Variants in CTNNA3 observed in about 807,000 individuals in gnomAD.
CTNNA3 encodes catenin alpha 3.
Under a neutral mutation model 95.7 loss-of-function variants are expected in CTNNA3, and 76 were observed. That is an observed-to-expected ratio of 0.79 (90% CI 0.66 to 0.96). CTNNA3 has a LOEUF of 0.96. CTNNA3 is among the 40% of genes least tolerant of loss of function. The pLI, the probability that CTNNA3 is intolerant of heterozygous loss-of-function variation, is 0.00. For synonymous variants in CTNNA3, 431 were observed against 374.4 expected, an observed-to-expected ratio of 1.15 and a Z score of -1.74; for missense variants, 1,191 against 1,089.8, an observed-to-expected ratio of 1.09 and a Z score of -1.31.
intron 13 of CTNNA3, among the ~76,000 whole-genome samples, chr10:66,211,265 GCA>G (rs1337096410): frequency 6.6e-6 from 1 of 152,126 alleles, no homozygotes; most frequent in Admixed American, 6.5e-5. Context: ...ACTTCAAGCA[GCA>G]CATAAAAACT....
At position 67,298,322 on chromosome 10, in the gene CTNNA3, G is replaced by T. The variant is rs538458428; in HGVS notation, c.580-78452C>A. Among the ~76,000 whole-genome samples the T allele has an allele frequency of 1.5e-3, 228 of 152,306 alleles. 10 individuals are homozygous for T. In the South Asian group the frequency reaches 0.046, roughly 31 times the overall value. ...ATATGTATTGCATTCAAAATCCGAAGTGTCTCACCAAGCATTGTGCTTGAT... is the reference window on the plus strand; with the variant it reads ...ATATGTATTGCATTCAAAATCCGAATTGTCTCACCAAGCATTGTGCTTGAT... On this transcript the variant is annotated intron_variant, in intron 5 of 17. Coordinates refer to ENST00000433211, the MANE Select transcript of CTNNA3 (RefSeq NM_013266.4).
At chr10:67,068,422 T>C (rs1379593352) in intron 7 of CTNNA3, among the ~76,000 whole-genome samples, 2 of 152,188 alleles carry the variant, frequency 1.3e-5, no homozygotes, top group African/African-American at 4.8e-5. Context: ...GTCTGTTAAG[T>C]AGTTGAATAC....
chr10:67,528,650 CATA>C (rs1840222583), intron 4 of CTNNA3, among the ~76,000 whole-genome samples: 2 of 152,168 alleles, frequency 1.3e-5, no homozygotes, highest in South Asian at 4.1e-4. Context: ...CAACCTCTAC[CATA>C]ATAACATATT....
intron 7 of CTNNA3, among the ~76,000 whole-genome samples, chr10:67,121,957 G>C (rs1023608224): frequency 8.4e-6 from 1 of 118,852 alleles, no homozygotes; most frequent in Non-Finnish European, 1.6e-5. Flanking sequence ...TGTGTAGCAC[G>C]CTCTTAGCCA....
At chr10:67,593,164 G>T (rs7086245) in intron 3 of CTNNA3, among the ~76,000 whole-genome samples, 19,861 of 152,052 alleles carry the variant, frequency 0.13, 1,603 homozygotes, top group East Asian at 0.3. Context: ...CTTTTTTATG[G>T]CTGCATAGTA....
At chr10:67,609,450 T>C (rs1843387909) in intron 2 of CTNNA3, among the ~76,000 whole-genome samples, 1 of 147,544 alleles carries the variant, frequency 6.8e-6, no homozygotes, top group Admixed American at 6.8e-5. Flanking sequence ...ATCCATGAAC[T>C]AAAAAAAAAA....
chr10:66,009,797 T>C (rs2078969739), intron 15 of CTNNA3, among the ~76,000 whole-genome samples: 1 of 152,336 alleles, frequency 6.6e-6, no homozygotes, highest in African/African-American at 2.4e-5. Flanking sequence ...GAAGGCATGG[T>C]CCATGGCTGA....
At chr10:67,150,168 A>G (rs896120938) in intron 7 of CTNNA3, among the ~76,000 whole-genome samples, 1 of 152,178 alleles carries the variant, frequency 6.6e-6, no homozygotes, top group Non-Finnish European at 1.5e-5. Context: ...TAATTATTAA[A>G]CTTGGAATAT....
rs533152604 is a variant in CTNNA3, at chr10:67,740,536, C to T, written c.-2+22898G>A. Among the ~76,000 whole-genome samples the T allele has an allele frequency of 2.0e-4, 31 of 151,408 alleles. 1 individual carries two copies. The highest frequency in any genetic ancestry group is 6.3e-4 in the South Asian group (3 of 4,730). ...CACTTGTCAACAGAAGACATTTATG[C>T]GGCCAAAAAACATATGAAAAAATGC... On this transcript the variant is annotated intron_variant, in intron 1 of 17. Coordinates refer to the CTNNA3 transcript ENST00000684154.
chr10:66,896,132 G>A lies in CTNNA3; in HGVS notation c.1048-120608C>T, dbSNP rs147123065. ...TAAAATAAAATAAAATAAAATAGTT[G>A]CCATAAACAATGCATACAATAGGAA... On this transcript the variant is annotated intron_variant, in intron 7 of 17. Coordinates refer to ENST00000433211, the MANE Select transcript of CTNNA3 (RefSeq NM_013266.4). Among the ~76,000 whole-genome samples the A allele has an allele frequency of 9.0e-4, 137 of 151,880 alleles. 1 individual carries two copies. Among genetic ancestry groups the A allele is most frequent in the African/African-American group, 3.1e-3 (127 of 41,422 alleles).
chr10:66,974,075 C>T (rs1416902772), intron 7 of CTNNA3, among the ~76,000 whole-genome samples: 1 of 152,136 alleles, frequency 6.6e-6, no homozygotes, highest in Non-Finnish European at 1.5e-5. Flanking sequence ...AAAAGTTGCC[C>T]TGAGTCTCTC....
chr10:66,153,888 T>C (rs2084339346), intron 13 of CTNNA3, among the ~76,000 whole-genome samples: 1 of 148,232 alleles, frequency 6.7e-6, no homozygotes, highest in African/African-American at 2.5e-5. Flanking sequence ...CATACCTATA[T>C]AATATAAATT....
rs535051946 is a variant in CTNNA3, at chr10:66,993,938, G to A, written c.1047+186379C>T. Among the ~76,000 whole-genome samples, 4 of 152,222 alleles carry A rather than the reference G, an allele frequency of 2.6e-5. 1 individual carries two copies. The South Asian group carries it at 8.3e-4, about 32-fold the overall frequency. ...TTTAGACTAAGCTCTTTGGGCAAAT[G>A]TTTTAACTTTTTGTCTTCTGATAGC... On this transcript the variant is annotated intron_variant, in intron 7 of 17. Transcript: ENST00000433211.
intron 12 of CTNNA3, among the ~76,000 whole-genome samples, chr10:66,300,944 A>G (rs1258529813): frequency 1.3e-5 from 2 of 152,060 alleles, no homozygotes; most frequent in Non-Finnish European, 2.9e-5. Context: ...GGTTAACTAA[A>G]AAAAAAGAGA....
intron 12 of CTNNA3, among the ~76,000 whole-genome samples, chr10:66,346,240 T>TAG (rs1174877732): frequency 2.3e-3 from 26 of 11,338 alleles, no homozygotes; most frequent in African/African-American, 9.9e-3. Flanking sequence ...TATATATATA[T>TAG]ATATATAGAG....
chr10:66,711,963 A>G (rs1848310109), intron 9 of CTNNA3, among the ~76,000 whole-genome samples: 1 of 152,114 alleles, frequency 6.6e-6, no homozygotes, highest in East Asian at 1.9e-4. Context: ...CCCCAAGCCT[A>G]GGCCCCAGCC....
rs942553497 is a variant in CTNNA3 at position 66,387,169 on chromosome 10, A to G, written c.1532-7817T>C. On this transcript the variant is annotated intron_variant, in intron 11 of 17. Transcript: ENST00000433211. The stretch of plus-strand genomic sequence containing the variant: ...TCGGCGTGAACAGGCAACCTACAGA[A>G]TGGGAGAAAATTTTTGCAATCTACC... Among the ~76,000 whole-genome samples the G allele has an allele frequency of 1.4e-4, 22 of 152,122 alleles. 1 individual carries two copies. Among genetic ancestry groups the G allele is most frequent in the Admixed American group, 9.8e-4 (15 of 15,260 alleles).
intron 11 of CTNNA3, among the ~76,000 whole-genome samples, chr10:66,512,012 C>A (rs1301107321): frequency 1.3e-5 from 2 of 151,886 alleles, no homozygotes; most frequent in Non-Finnish European, 2.9e-5. Context: ...CTATCTCTCT[C>A]TTTAACTATA....
chr10:66,732,044 A>C (rs1180460411), intron 9 of CTNNA3, among the ~76,000 whole-genome samples: 1 of 152,348 alleles, frequency 6.6e-6, no homozygotes, highest in East Asian at 1.9e-4. Context: ...AATTTAAATA[A>C]AGTTCATAAC....
Sources: allele counts gnomAD v4.1 joint callset (sites outside exome capture counted in the v4.1 genomes callset), GRCh38; gene constraint gnomAD v4.1.1; transcripts MANE v1.5; gene names NCBI Gene and HGNC (gene_info 2026-07-23, HGNC 2026-07-21).